Variants in MOB4 observed in about 807,000 individuals in gnomAD.
MOB4 encodes the protein MOB-like protein phocein.
Under a neutral mutation model 32.2 loss-of-function variants are expected in MOB4, and 4 were observed. That is an observed-to-expected ratio of 0.12 (90% CI 0.06 to 0.28). The LOEUF (loss-of-function observed/expected upper bound fraction) is 0.28. Among genes scored for constraint, MOB4 ranks in the 10% least tolerant of loss-of-function variants. MOB4 has a pLI of 1.00. For missense variants in MOB4, 158 were observed against 271.2 expected (o/e 0.58, Z 2.93); for synonymous variants, 88 against 88.1 (o/e 1.00, Z 0.01).
chr2:197,521,974 G>A (rs2086527670), intron 1 of MOB4, among the ~76,000 whole-genome samples: 1 of 152,138 alleles, frequency 6.6e-6, no homozygotes, highest in African/African-American at 2.4e-5. Flanking sequence ...GAAATCACAA[G>A]GTATTGATTG....
Position 197,519,037 on chromosome 2 carries a change from C to A in MOB4, c.60+2891C>A, listed in dbSNP as rs138385672. On this transcript the variant is annotated intron_variant, in intron 1 of 7. Transcript: ENST00000323303. ...CCTCTGAAAGTGCTGGGATTACAGG[C>A]ATGAGCCACTGCGCCCAGCCAATTT... 9.1e-3 allele frequency among the ~76,000 whole-genome samples: 1,391 copies of A among 152,058 alleles called. 28 individuals are homozygous for A. Among genetic ancestry groups the A allele is most frequent in the African/African-American group, 0.032 (1,324 of 41,436 alleles).
chr2:197,519,858 G>A (rs2086483555), intron 1 of MOB4, among the ~76,000 whole-genome samples: 1 of 152,054 alleles, frequency 6.6e-6, no homozygotes, highest in South Asian at 2.1e-4. Context: ...GATCATATAG[G>A]AAAAATTTTA....
At chr2:197,516,180 A>T in intron 1 of MOB4, 34 bp downstream of exon 1, 1 of 1,578,246 alleles carries the variant, frequency 6.3e-7, no homozygotes, top group Non-Finnish European at 8.6e-7. Context: ...TCGGGCAACT[A>T]GGTGCCGAGC....
intron 2 of MOB4, among the ~76,000 whole-genome samples, chr2:197,530,592 T>A (rs951563030): frequency 6.6e-6 from 1 of 152,066 alleles, no homozygotes; most frequent in African/African-American, 2.4e-5. Flanking sequence ...AAAGAATCTG[T>A]CATTCAAATT....
At position 197,553,623 on chromosome 2, in the gene MOB4, T is replaced by G. The variant is rs571246500; in HGVS notation, c.*2977T>G. On this transcript the variant is annotated 3_prime_UTR_variant, in exon 8 of 8. Coordinates refer to ENST00000323303, the MANE Select transcript of MOB4 (RefSeq NM_015387.5). ...GTATATACTTTATTTTGTGAATCCT[T>G]GTTGAATGTGCTAAAGGTTTCTTTG... The G allele has an allele frequency of 1.3e-5, 2 of 152,226 alleles. No individual in the cohort carries two copies. Among genetic ancestry groups the G allele is most frequent in the Admixed American group, 1.3e-4 (2 of 15,286 alleles). 9.4% of individuals were successfully genotyped at this position (152,226 alleles called of 1,614,324 possible). A position where few individuals can be genotyped will look rare whatever the true frequency, so the allele number is the denominator to read the frequency against.
intron 2 of MOB4, chr2:197,533,967 A>C (rs1408424061): frequency 1.8e-6 from 1 of 560,014 alleles, no homozygotes; most frequent in South Asian, 1.4e-5. Flanking sequence ...TGGGTCTAGA[A>C]GGAATTTTAC....
chr2:197,533,554 G>C (rs2086743292), intron 2 of MOB4, among the ~76,000 whole-genome samples: 1 of 151,906 alleles, frequency 6.6e-6, no homozygotes, highest in Non-Finnish European at 1.5e-5. Context: ...GCGAAACCCT[G>C]TCTCTACAAA....
intron 1 of MOB4, among the ~76,000 whole-genome samples, chr2:197,517,685 A>G (rs1256505600): frequency 6.6e-6 from 1 of 152,212 alleles, no homozygotes; most frequent in Non-Finnish European, 1.5e-5. Context: ...TAGATAAAAT[A>G]TAACAGAAAA....
At chr2:197,548,202 C>A in intron 5 of MOB4, 134 bp from the exon 6 acceptor site, 1 of 509,082 alleles carries the variant, frequency 2.0e-6, no homozygotes, top group Non-Finnish European at 3.2e-6. Context: ...ATTTTACAAG[C>A]ATTCGGAAAT....
intron 3 of MOB4, 137 bp downstream of exon 3, chr2:197,535,767 T>A: frequency 2.2e-6 from 2 of 907,010 alleles, no homozygotes; most frequent in South Asian, 3.4e-5. Context: ...ATTTTCAGTG[T>A]CACAAGGTTC....
chr2:197,526,242 A>G (rs2086609243), intron 2 of MOB4, among the ~76,000 whole-genome samples: 1 of 152,238 alleles, frequency 6.6e-6, no homozygotes, highest in African/African-American at 2.4e-5. Flanking sequence ...TTTTTAGATC[A>G]TAAAATGGTG....
At chr2:197,523,370 A>G (rs1359995839) in intron 1 of MOB4, among the ~76,000 whole-genome samples, 1 of 152,222 alleles carries the variant, frequency 6.6e-6, no homozygotes, top group Non-Finnish European at 1.5e-5. Flanking sequence ...CTGAGGTGGG[A>G]TGATTGCTTA....
At chr2:197,528,071 A>G (rs1574632419) in intron 2 of MOB4, among the ~76,000 whole-genome samples, 1 of 152,134 alleles carries the variant, frequency 6.6e-6, no homozygotes, top group Non-Finnish European at 1.5e-5. Flanking sequence ...TAGACAGCAT[A>G]TGGTTGAGTC....
chr2:197,526,324 T>G (rs1416201399), intron 2 of MOB4, among the ~76,000 whole-genome samples: 1 of 152,192 alleles, frequency 6.6e-6, no homozygotes, highest in East Asian at 1.9e-4. Context: ...CTTTTTTTAT[T>G]TTTTTATTTT....
At chr2:197,537,989 A>T (rs2086831832) in intron 3 of MOB4, among the ~76,000 whole-genome samples, 1 of 152,166 alleles carries the variant, frequency 6.6e-6, no homozygotes, top group East Asian at 1.9e-4. Context: ...CATGTTGGTC[A>T]GGATGGTCTT....
chr2:197,549,185 G>A (rs2087050996), intron 6 of MOB4, among the ~76,000 whole-genome samples: 1 of 151,856 alleles, frequency 6.6e-6, no homozygotes, highest in Non-Finnish European at 1.5e-5. Context: ...CCGAGATCGC[G>A]CCATTGCACT....
At chr2:197,535,346 A>G (rs190236738) in intron 2 of MOB4, among the ~76,000 whole-genome samples, 184 bp from the exon 3 acceptor site, 1 of 152,306 alleles carries the variant, frequency 6.6e-6, no homozygotes, top group Admixed American at 6.5e-5. Flanking sequence ...TGAAGGATAA[A>G]TAAGTAAGGG....
rs1248322771 is a variant in MOB4 at position 197,516,161 on chromosome 2, C to T, written c.60+15C>T. The T allele has an allele frequency of 6.3e-7, 1 of 1,594,436 alleles. No homozygotes were observed. The highest frequency in any genetic ancestry group is 8.5e-7 in the Non-Finnish European group (1 of 1,172,094). On this transcript the variant is annotated intron_variant, in intron 1 of 7. Coordinates refer to ENST00000323303, the MANE Select transcript of MOB4 (RefSeq NM_015387.5). The stretch of plus-strand genomic sequence containing the variant: ...CCAAGGCGCAGGTACCATGTCTGCA[C>T]TTTTCTTGTCGGGCAACTAGGTGCC...
At chr2:197,538,327 A>G (rs1007955353) in intron 3 of MOB4, among the ~76,000 whole-genome samples, 5 of 148,694 alleles carry the variant, frequency 3.4e-5, no homozygotes, top group Non-Finnish European at 5.9e-5. Flanking sequence ...TATATTAACT[A>G]TCGTATATAT....
Sources: gnomAD v4.1 joint callset for allele counts (sites outside exome capture counted in the v4.1 genomes callset) on GRCh38, gnomAD v4.1.1 for gene constraint, MANE v1.5 for transcripts, NCBI Gene and HGNC (gene_info 2026-07-23, HGNC 2026-07-21) for gene names.